The following TENM2 variants were observed in gnomAD, a reference collection of about 807,000 sequenced individuals.
TENM2 encodes the protein teneurin-2.
Under a neutral mutation model 245.2 loss-of-function variants are expected in TENM2, and 52 were observed. The ratio of observed to expected loss-of-function variants is 0.21; its 90% CI spans 0.17 to 0.27. The LOEUF is 0.27. Among genes scored for constraint, TENM2 ranks in the 10% least tolerant of loss-of-function variants. The pLI, the probability that TENM2 is intolerant of heterozygous loss-of-function variation, is 1.00. For missense variants in TENM2, 3,046 were observed against 3,666.8 expected (o/e 0.83, Z 4.37); for synonymous variants, 1,363 against 1,438.9 (o/e 0.95, Z 1.19).
In TENM2 at chr5:167,660,803, A is replaced by G. The variant is rs1028828942; in HGVS notation, c.503-215183A>G. Among the ~76,000 whole-genome samples the G allele has an allele frequency of 2.0e-5, 3 of 152,106 alleles. No individual in the cohort carries two copies. The East Asian group carries it at 5.8e-4, about 29-fold the overall frequency. ...TTCTCCTGTCTGTATTACATATTTT[A>G]TGTTCCTTAACATATTATATGTATC... On this transcript the variant is annotated intron_variant, in intron 2 of 28. Transcript: ENST00000518659.
chr5:168,242,715 G>A (rs1163569417), intron 25 of TENM2, among the ~76,000 whole-genome samples: 1 of 152,160 alleles, frequency 6.6e-6, no homozygotes, highest in Non-Finnish European at 1.5e-5. Flanking sequence ...AACTTTGGGA[G>A]GACAAGGTGG....
intron 2 of TENM2, among the ~76,000 whole-genome samples, chr5:167,667,041 C>T (rs1009430635): frequency 6.6e-6 from 1 of 152,120 alleles, no homozygotes; most frequent in Non-Finnish European, 1.5e-5. Context: ...ATGTAAGACA[C>T]TCAAATATGA....
intron 2 of TENM2, among the ~76,000 whole-genome samples, chr5:167,601,268 C>T (rs912919694): frequency 2.6e-5 from 4 of 152,250 alleles, no homozygotes; most frequent in African/African-American, 9.6e-5. Context: ...TCTAAACTCA[C>T]ATTTCTAAGA....
rs114214527 is a variant in TENM2 at position 168,189,586 on chromosome 5, A to G, written c.2570-751A>G. 2.6e-3 allele frequency among the ~76,000 whole-genome samples: 392 copies of G among 152,274 alleles called. 1 individual carries two copies. The highest frequency in any genetic ancestry group is 9.0e-3 in the African/African-American group (375 of 41,552). On this transcript the variant is annotated intron_variant, in intron 13 of 28. Transcript: ENST00000518659. ...AAACTACTGCGGAAACTGCAGGCTTAATTTCCAGATTCCCAAGCCAAAGCC... is the reference window on the plus strand; with the variant it reads ...AAACTACTGCGGAAACTGCAGGCTTGATTTCCAGATTCCCAAGCCAAAGCC...
the TENM2 span, among the ~76,000 whole-genome samples, chr5:167,026,634 T>C: frequency 6.6e-6 from 1 of 152,226 alleles, no homozygotes; most frequent in South Asian, 2.1e-4. Context: ...ACCTAAGGTC[T>C]TTAGCATGCG....
At position 168,184,906 on chromosome 5, in the gene TENM2, A is replaced by T. The variant is rs567866390; in HGVS notation, c.2570-5431A>T. Among the ~76,000 whole-genome samples the T allele has an allele frequency of 5.9e-5, 9 of 152,338 alleles. No homozygotes were observed. The South Asian group carries it at 1.9e-3, about 32-fold the overall frequency. ...TGACAAAAACCTATAGCCAGCACAAAAGTAAGTGCCACCTTGTGCCAATGG... is the reference window on the plus strand; with the variant it reads ...TGACAAAAACCTATAGCCAGCACAATAGTAAGTGCCACCTTGTGCCAATGG... On this transcript the variant is annotated intron_variant, in intron 13 of 28. Coordinates refer to ENST00000518659, the Ensembl canonical transcript of TENM2.
At chr5:167,684,438 T>C (rs1756942553) in intron 2 of TENM2, among the ~76,000 whole-genome samples, 1 of 152,236 alleles carries the variant, frequency 6.6e-6, no homozygotes, top group Admixed American at 6.5e-5. Flanking sequence ...GCTGACATTT[T>C]ATCCATGGTG....
chr5:168,253,640 T>A (rs905097342), intron 27 of TENM2, among the ~76,000 whole-genome samples: 3 of 151,862 alleles, frequency 2.0e-5, no homozygotes, highest in South Asian at 2.1e-4. Flanking sequence ...TTAGCCAGGA[T>A]GGTCTCGATC....
the TENM2 span, among the ~76,000 whole-genome samples, chr5:167,262,176 T>C: frequency 6.6e-6 from 1 of 152,148 alleles, no homozygotes; most frequent in Admixed American, 6.6e-5. Flanking sequence ...CTGACCAACA[T>C]GGAGAAACCT....
chr5:168,226,403 T>C (rs1764191524), intron 24 of TENM2, 140 bp downstream of exon 26: 1 of 688,684 alleles, frequency 1.5e-6, no homozygotes, highest in Non-Finnish European at 2.4e-6. Context: ...TATTCAAGTG[T>C]CCACAGCAAA....
intron 7 of TENM2, among the ~76,000 whole-genome samples, chr5:168,069,668 A>G (rs1581212750): frequency 6.6e-6 from 1 of 152,290 alleles, no homozygotes; most frequent in East Asian, 1.9e-4. Flanking sequence ...ACTGAGACAG[A>G]GGTTATGGGC....
exon 29 of TENM2, chr5:168,262,477 G>A (rs768547775): frequency 3.0e-5 from 47 of 1,561,534 alleles, no homozygotes; most frequent in Non-Finnish European, 3.9e-5. Context: ...GGACTCGAAG[G>A]TTCACGAACA....
rs543959688 is a variant in TENM2 at position 168,154,623 on chromosome 5, T to C, written c.2423-7988T>C. On this transcript the variant is annotated intron_variant, in intron 12 of 28. Transcript: ENST00000518659. The stretch of plus-strand genomic sequence containing the variant: ...AAGGCTGAGCCTACTGCCTTCCTTG[T>C]CCCATGCAGACAGACATGGTGCTGA... 4.6e-5 allele frequency among the ~76,000 whole-genome samples: 7 copies of C among 152,314 alleles called. No homozygotes were observed. The East Asian group carries it at 1.2e-3, about 25-fold the overall frequency.
the TENM2 span, among the ~76,000 whole-genome samples, chr5:167,184,024 C>T: frequency 6.6e-6 from 1 of 152,100 alleles, no homozygotes; most frequent in Non-Finnish European, 1.5e-5. Context: ...ATTCAGAAAA[C>T]ATACGTTATT....
intron 2 of TENM2, among the ~76,000 whole-genome samples, chr5:167,478,994 G>GTA (rs1387156179): frequency 7.3e-5 from 11 of 151,632 alleles, no homozygotes; most frequent in Non-Finnish European, 1.6e-4. Flanking sequence ...ATATATATGT[G>GTA]TGTGTGTGTG....
the TENM2 span, among the ~76,000 whole-genome samples, chr5:167,025,129 G>A: frequency 1.3e-5 from 2 of 152,084 alleles, no homozygotes; most frequent in Admixed American, 6.6e-5. Context: ...CAAGCCACAC[G>A]TATTTTAATG....
intron 7 of TENM2, among the ~76,000 whole-genome samples, chr5:168,089,124 C>A (rs990810148): frequency 2.0e-5 from 3 of 152,170 alleles, no homozygotes; most frequent in Non-Finnish European, 2.9e-5. Context: ...TTCTTGTCAA[C>A]AAGTAAGAAA....
the TENM2 span, among the ~76,000 whole-genome samples, chr5:167,026,016 T>G: frequency 2.6e-5 from 4 of 152,354 alleles, no homozygotes; most frequent in African/African-American, 9.6e-5. Context: ...CCTATCCTTT[T>G]TTCTTGCCCT....
At chr5:167,227,723 T>TCAAC in the TENM2 span, among the ~76,000 whole-genome samples, 1 of 152,242 alleles carries the variant, frequency 6.6e-6, no homozygotes, top group Non-Finnish European at 1.5e-5. Context: ...GACTGTAATG[T>TCAAC]GCCATGAAGA....
Sources: allele counts gnomAD v4.1 joint callset (sites outside exome capture counted in the v4.1 genomes callset), GRCh38; gene constraint gnomAD v4.1.1; transcripts MANE v1.5; gene names NCBI Gene and HGNC (gene_info 2026-07-23, HGNC 2026-07-21).